Variants in MADD observed in about 807,000 individuals in gnomAD.
MADD encodes MAP kinase activating death domain.
A neutral mutation model predicts 176.7 loss-of-function variants in MADD; 109 were observed. The observed-to-expected ratio is 0.62, with a 90% CI of 0.53 to 0.72. MADD has a LOEUF of 0.72. MADD is among the 30% of genes least tolerant of loss of function. The pLI, the probability that MADD is intolerant of heterozygous loss-of-function variation, is 0.00. For synonymous variants in MADD, 771 were observed against 771.3 expected, an observed-to-expected ratio of 1.00 and a Z score of 0.01; for missense variants, 1,914 against 2,045.5, an observed-to-expected ratio of 0.94 and a Z score of 1.24.
intron 19 of MADD, among the ~76,000 whole-genome samples, chr11:47,293,164 A>G (rs1480644316): frequency 1.3e-5 from 2 of 151,998 alleles, no homozygotes; most frequent in Non-Finnish European, 2.9e-5. Context: ...ATCGGGCCCA[A>G]CCTTTTCTAC....
intron 7 of MADD, among the ~76,000 whole-genome samples, chr11:47,279,536 A>C (rs1461936099): frequency 6.6e-6 from 1 of 151,360 alleles, no homozygotes; most frequent in Non-Finnish European, 1.5e-5. Flanking sequence ...ACGCCGCCAC[A>C]CCCGGCTAAT....
At chr11:47,297,818 T>A (rs1405621670) in intron 22 of MADD, among the ~76,000 whole-genome samples, 11 of 144,298 alleles carry the variant, frequency 7.6e-5, no homozygotes, top group Non-Finnish European at 1.5e-4. Context: ...AGATAGAATC[T>A]TGCTCTGTCG....
intron 27 of MADD, among the ~76,000 whole-genome samples, chr11:47,321,871 T>C (rs1368694207): frequency 6.6e-6 from 1 of 152,042 alleles, no homozygotes; most frequent in Non-Finnish European, 1.5e-5. Context: ...AAAAGGAGGA[T>C]CTGCCCAGGA....
intron 1 of MADD, chr11:47,272,329 A>C (rs1306681469): frequency 6.6e-6 from 1 of 152,232 alleles, no homozygotes; most frequent in East Asian, 1.9e-4. Context: ...AGGATTTGAG[A>C]GGTATTGCAA....
intron 27 of MADD, among the ~76,000 whole-genome samples, chr11:47,320,646 A>G (rs924623324): frequency 4.6e-5 from 7 of 151,754 alleles, no homozygotes; most frequent in Admixed American, 6.6e-5. Context: ...TTAGTCATAC[A>G]TGTGGTGATG....
chr11:47,324,960 G>A, intron 30 of MADD: 1 of 586,604 alleles, frequency 1.7e-6, no homozygotes, highest in South Asian at 2.0e-5. Flanking sequence ...AGTCTAGACT[G>A]GCCGATCTCC....
intron 25 of MADD, among the ~76,000 whole-genome samples, chr11:47,310,856 GA>G (rs1348732818): frequency 3.4e-5 from 5 of 146,622 alleles, no homozygotes; most frequent in African/African-American, 1.3e-4. Flanking sequence ...GCAGTGAGCC[GA>G]GATTCCACCA....
At chr11:47,304,200 G>C (rs1171171125) in intron 22 of MADD, among the ~76,000 whole-genome samples, 2 of 150,218 alleles carry the variant, frequency 1.3e-5, no homozygotes, top group African/African-American at 4.9e-5. Context: ...GCTTGATCAA[G>C]TCTGCTGTTG....
intron 27 of MADD, among the ~76,000 whole-genome samples, chr11:47,319,130 TAA>T (rs1565549893): frequency 1.4e-5 from 1 of 70,364 alleles, no homozygotes. Flanking sequence ...TATATATATA[TAA>T]TTTTTTTTTT....
intron 22 of MADD, among the ~76,000 whole-genome samples, chr11:47,305,657 T>C (rs545230939): frequency 6.6e-6 from 1 of 152,174 alleles, no homozygotes; most frequent in East Asian, 1.9e-4. Flanking sequence ...TGGCAGCGAA[T>C]ACCCCAGCGT....
chr11:47,286,959 A>G (rs1238247274), intron 15 of MADD, among the ~76,000 whole-genome samples: 1 of 152,156 alleles, frequency 6.6e-6, no homozygotes, highest in African/African-American at 2.4e-5. Flanking sequence ...CCTCTCACGC[A>G]CTCATAAGCC....
intron 15 of MADD, 149 bp from the exon 17 acceptor site, chr11:47,289,242 C>A: frequency 1.3e-6 from 1 of 791,328 alleles, no homozygotes; most frequent in African/African-American, 1.7e-5. Context: ...ATTGCCATGG[C>A]TGGTTTCTAC....
At position 47,312,961 on chromosome 11, in the gene MADD, C is replaced by T. The variant is rs117170960; in HGVS notation, c.4089+1119C>T. Among the ~76,000 whole-genome samples, 55 of 152,310 alleles carry T rather than the reference C, an allele frequency of 3.6e-4. No individual in the cohort carries two copies. The East Asian group carries it at 8.5e-3, about 23-fold the overall frequency. ...TTGTTCACCTTGAGTTGCAAGTGAA[C>T]TTAATCGCTTTGTTCATTGAACATC... On this transcript the variant is annotated intron_variant, in intron 26 of 32. Transcript: ENST00000402192.
chr11:47,277,503 G>C (rs558486285), intron 5 of MADD, among the ~76,000 whole-genome samples: 4 of 152,184 alleles, frequency 2.6e-5, no homozygotes, highest in South Asian at 2.1e-4. Flanking sequence ...CACCATGTTG[G>C]CTGGGCTGGT....
exon 6 of MADD, chr11:47,278,254 G>T: frequency 6.2e-7 from 1 of 1,613,930 alleles, no homozygotes; most frequent in Non-Finnish European, 8.5e-7. Context: ...ATGATGTATG[G>T]CTAGTGGATC....
At chr11:47,290,754 G>A in exon 19 of MADD, 1 of 1,614,130 alleles carries the variant, frequency 6.2e-7, no homozygotes. Flanking sequence ...AGTGCCACAG[G>A]AAAGGGTCCT....
At chr11:47,287,874 T>C (rs1354929023) in intron 15 of MADD, among the ~76,000 whole-genome samples, 1 of 138,414 alleles carries the variant, frequency 7.2e-6, no homozygotes, top group East Asian at 2.3e-4. Flanking sequence ...CACTGCAAGC[T>C]CCGCCTCCCG....
At chr11:47,329,180 C>G (rs1438156797) in exon 33 of MADD, 7 of 1,543,686 alleles carry the variant, frequency 4.5e-6, no homozygotes, top group Non-Finnish European at 6.3e-6. Flanking sequence ...TGCCCCAGCC[C>G]AGGGCACGCC....
exon 33 of MADD, chr11:47,329,928 GAC>G (rs1215740073): frequency 1.3e-5 from 2 of 152,686 alleles, no homozygotes; most frequent in Non-Finnish European, 2.9e-5. Context: ...AGGAGGGAGA[GAC>G]AGCCTGGGTA....
Sources: allele counts gnomAD v4.1 joint callset (sites outside exome capture counted in the v4.1 genomes callset), GRCh38; gene constraint gnomAD v4.1.1; transcripts MANE v1.5; gene names NCBI Gene and HGNC (gene_info 2026-07-23, HGNC 2026-07-21).